OR56A3: variants seen among roughly 807,000 people sequenced by gnomAD.
OR56A3 encodes the protein olfactory receptor 56A3.
OR56A3 carries 23 observed loss-of-function variants against 17.5 expected under a neutral mutation model. That is an observed-to-expected ratio of 1.32 (90% confidence interval 0.95 to 1.87). OR56A3 has a LOEUF of 1.87. OR56A3 is among the 40% of genes most tolerant of loss of function. The pLI is 0.00. For synonymous variants in OR56A3, 175 were observed against 150.6 expected (o/e 1.16, Z -1.19); for missense variants, 366 against 380.1 (o/e 0.96, Z 0.31).
chr11:6,021,358 C>T, the OR56A3 span: 1 of 151,914 alleles, frequency 6.6e-6, no homozygotes, highest in African/African-American at 2.4e-5. Context: ...TAATAGTCAA[C>T]AATATATTGT....
chr11:6,007,654 A>G, the OR56A3 span, among the ~76,000 whole-genome samples: 1 of 152,222 alleles, frequency 6.6e-6, no homozygotes, highest in Non-Finnish European at 1.5e-5. Flanking sequence ...CTAGAAAAAA[A>G]AAGTGTAAGG....
At chr11:5,975,767 C>T in the OR56A3 span, among the ~76,000 whole-genome samples, 6 of 152,036 alleles carry the variant, frequency 3.9e-5, no homozygotes, top group African/African-American at 1.4e-4. Context: ...GTTCTAGATC[C>T]CTGAGGAATC....
chr11:5,947,806 A>G lies in OR56A3; in HGVS notation c.460A>G (p.Thr154Ala). ...FVVKAAMFIL[T>A]RNVLMTLPIP... ...AGTCAAGGCTGCCATGTTTATTTTGACCAGAAATGTGCTTATGACTCTGCC... is the reference window on the plus strand; with the variant it reads ...AGTCAAGGCTGCCATGTTTATTTTGGCCAGAAATGTGCTTATGACTCTGCC... Residue 154 changes from threonine to alanine, a missense_variant, in exon 3 of 3, where the codon ACC (threonine) becomes GCC (alanine). By Grantham distance (58) the Thr-to-Ala change is moderately conservative. Transcript: ENST00000641160. 3.7e-6 allele frequency: 6 copies of G among 1,614,082 alleles called. No individual in the cohort carries two copies. The highest frequency in any genetic ancestry group is 5.1e-6 in the Non-Finnish European group (6 of 1,180,000).
At chr11:5,994,774 G>A in the OR56A3 span, 1 of 759,692 alleles carries the variant, frequency 1.3e-6, no homozygotes, top group South Asian at 1.3e-5. Flanking sequence ...CAAAGGTCTT[G>A]AAGTAATGTC....
the OR56A3 span, among the ~76,000 whole-genome samples, chr11:5,959,729 AAAT>A: frequency 8.3e-4 from 126 of 152,296 alleles, no homozygotes; most frequent in African/African-American, 2.9e-3. Context: ...GGTCACATCT[AAAT>A]AATCATTGCC....
chr11:6,004,605 C>G, the OR56A3 span, among the ~76,000 whole-genome samples: 1 of 151,994 alleles, frequency 6.6e-6, no homozygotes, highest in Non-Finnish European at 1.5e-5. Flanking sequence ...AAAAATTTAC[C>G]CATTGTAGGG....
the OR56A3 span, chr11:5,967,209 C>A: frequency 4.9e-6 from 1 of 205,636 alleles, no homozygotes; most frequent in Admixed American, 5.4e-5. Flanking sequence ...TTAAACAATA[C>A]AGGAATTGAG....
chr11:6,013,383 C>A, the OR56A3 span, among the ~76,000 whole-genome samples: 1 of 152,176 alleles, frequency 6.6e-6, no homozygotes, highest in South Asian at 2.1e-4. Context: ...CAGGGGGAGG[C>A]AATTGTTGGG....
chr11:5,994,474 A>T, the OR56A3 span: 1 of 753,192 alleles, frequency 1.3e-6, no homozygotes, highest in South Asian at 1.3e-5. Flanking sequence ...TGGTCAACCC[A>T]GAGCTGGCAA....
the OR56A3 span, chr11:6,020,358 G>A: frequency 6.6e-6 from 1 of 152,226 alleles, no homozygotes; most frequent in South Asian, 2.1e-4. Context: ...GTCATTGGTA[G>A]TTTGACTGGA....
chr11:5,957,668 A>G, the OR56A3 span, among the ~76,000 whole-genome samples: 1 of 152,228 alleles, frequency 6.6e-6, no homozygotes, highest in Non-Finnish European at 1.5e-5. Context: ...TACCACTGGA[A>G]TTTTAATTCC....
chr11:5,953,193 G>A (rs1055184000), downstream of OR56A3, among the ~76,000 whole-genome samples: 2 of 152,176 alleles, frequency 1.3e-5, no homozygotes, highest in African/African-American at 4.8e-5. Context: ...GAGTTGGATG[G>A]TAATTCTGTT....
In OR56A3 at chr11:5,950,417, C is replaced by T. The variant is rs1847901017; in HGVS notation, c.*2123C>T. ...TGCCTGAAAAATCTGTTTTGCTTCA[C>T]TTATATGTAATTTTTAGACATTTAT... On this transcript the variant is annotated 3_prime_UTR_variant, in exon 3 of 3. Coordinates refer to ENST00000641160, the MANE Select transcript of OR56A3 (RefSeq NM_001003443.3). The T allele has an allele frequency of 6.6e-6, 1 of 152,060 alleles. No individual in the cohort carries two copies. The highest frequency in any genetic ancestry group is 2.4e-5 in the African/African-American group (1 of 41,428). 9.4% of individuals were successfully genotyped at this position (152,060 alleles called of 1,614,324 possible).
At chr11:5,994,647 C>G in the OR56A3 span, 1 of 778,182 alleles carries the variant, frequency 1.3e-6, no homozygotes, top group African/African-American at 1.7e-5. Flanking sequence ...TGGCACATGG[C>G]CAGTTCTGTC....
At chr11:5,976,810 T>C in the OR56A3 span, among the ~76,000 whole-genome samples, 53 of 152,262 alleles carry the variant, frequency 3.5e-4, no homozygotes, top group Middle Eastern at 6.8e-3. Flanking sequence ...TACAGATTAT[T>C]TAGTCATCCA....
At chr11:5,963,754 T>C in the OR56A3 span, among the ~76,000 whole-genome samples, 1 of 152,160 alleles carries the variant, frequency 6.6e-6, no homozygotes, top group Non-Finnish European at 1.5e-5. Context: ...GTTTGGAAAG[T>C]ATTTTGCTAT....
chr11:6,019,748 C>T, the OR56A3 span: 1 of 152,088 alleles, frequency 6.6e-6, no homozygotes, highest in African/African-American at 2.4e-5. Context: ...AGATACTAAA[C>T]CTGACTTCTA....
chr11:5,971,177 T>C, the OR56A3 span, among the ~76,000 whole-genome samples: 1 of 152,204 alleles, frequency 6.6e-6, no homozygotes, highest in African/African-American at 2.4e-5. Context: ...GGGATACTCC[T>C]GATTCACCCC....
In OR56A3 at chr11:5,949,934, G is replaced by A. The variant is rs561491141; in HGVS notation, c.*1640G>A. The A allele has an allele frequency of 6.6e-6, 1 of 152,218 alleles. No individual in the cohort carries two copies. Among genetic ancestry groups the A allele is most frequent in the African/African-American group, 2.4e-5 (1 of 41,542 alleles). The allele number at this position is 152,218 out of a possible 1,614,324, so 9.4% of individuals were successfully genotyped here. A position where few individuals can be genotyped will look rare whatever the true frequency, so the allele number is the denominator to read the frequency against. On this transcript the variant is annotated 3_prime_UTR_variant, in exon 3 of 3. Transcript: ENST00000641160. ...AGTGAAAAGCCATCTGTTAAGATCC[G>A]AGTAGATACACCTTTTTCTTTATTA...
Sources: allele counts gnomAD v4.1 joint callset (sites outside exome capture counted in the v4.1 genomes callset), GRCh38; gene constraint gnomAD v4.1.1; transcripts MANE v1.5; gene names NCBI Gene and HGNC (gene_info 2026-07-23, HGNC 2026-07-21).